BBS9: variants seen among roughly 807,000 people sequenced by gnomAD.
BBS9 encodes the protein protein PTHB1.
BBS9 carries 89 observed loss-of-function variants against 117.7 expected under a neutral mutation model. The ratio of observed to expected loss-of-function variants is 0.76; its 90% CI spans 0.64 to 0.90. The LOEUF (loss-of-function observed/expected upper bound fraction) is 0.90. Ranked by LOEUF, BBS9 falls within the 40% of genes least tolerant of loss-of-function variation. The pLI, the probability that BBS9 is intolerant of heterozygous loss-of-function variation, is 0.00. For missense variants in BBS9, 982 were observed against 1,042.2 expected (o/e 0.94, Z 0.80); for synonymous variants, 379 against 370.9 (o/e 1.02, Z -0.25).
chr7:33,311,182 G>A (rs1271362832), intron 9 of BBS9, among the ~76,000 whole-genome samples: 1 of 152,164 alleles, frequency 6.6e-6, no homozygotes, highest in Non-Finnish European at 1.5e-5. Context: ...CATGGAAGAT[G>A]ACCACTTCAG....
rs1267802462 is a variant in BBS9 at position 33,611,827 on chromosome 7, T to TTATTATATAATATTATTATATAATAA, written c.2522-23346_2522-23321dup. On this transcript the variant is annotated intron_variant, in intron 21 of 21. Transcript: ENST00000671952. The stretch of plus-strand genomic sequence containing the variant: ...TATACCTTAAACCTTATATATAATA[T>TTATTATATAATATTATTATATAATAA]TATTATATAATATTATTATATAATA... Among the ~76,000 whole-genome samples the TTATTATATAATATTATTATATAATAA allele has an allele frequency of 2.9e-5, 4 of 137,288 alleles. No homozygotes were observed. The Admixed American group carries it at 3.0e-4, about 10-fold the overall frequency. The allele number at this position is 137,288 out of a possible 152,430, so 90.1% of individuals were successfully genotyped here.
rs1419717933 is a variant in BBS9, at chr7:33,187,987, G to C, written c.442+10396G>C. The stretch of plus-strand genomic sequence containing the variant: ...CAATCTAGGAGTAATAAAGATGAAG[G>C]GTTAACTATAAAATAATGAGGCAAA... On this transcript the variant is annotated intron_variant, in intron 5 of 22. Coordinates refer to ENST00000242067, the MANE Select transcript of BBS9 (RefSeq NM_198428.3). Among the ~76,000 whole-genome samples, 5 of 151,374 alleles carry C rather than the reference G, an allele frequency of 3.3e-5. No homozygotes were observed. The East Asian group carries it at 9.7e-4, about 29-fold the overall frequency.
intron 17 of BBS9, among the ~76,000 whole-genome samples, chr7:33,373,268 C>T (rs956888605): frequency 1.3e-5 from 2 of 152,084 alleles, no homozygotes; most frequent in African/African-American, 4.8e-5. Context: ...ATCAAGATGG[C>T]ATTTAGCTTT....
intron 21 of BBS9, among the ~76,000 whole-genome samples, chr7:33,598,231 GAAAAA>G (rs11459733): frequency 7.1e-6 from 1 of 141,486 alleles, no homozygotes; most frequent in Non-Finnish European, 1.6e-5. Context: ...GAGTTTATGG[GAAAAA>G]AAAAAAAACC....
intron 5 of BBS9, among the ~76,000 whole-genome samples, chr7:33,225,181 ATAT>A (rs1397537007): frequency 6.6e-6 from 1 of 151,942 alleles, no homozygotes. Context: ...CAATTTATTG[ATAT>A]TATTGTTATT....
rs776909897 is a variant in BBS9 at position 33,357,874 on chromosome 7, A to G, written c.1572A>G (p.Gln524=). The change falls in exon 16 of 23, where the codon CAA becomes CAG. Residue 524 remains glutamine, a synonymous_variant. Coordinates refer to ENST00000242067, the MANE Select transcript of BBS9 (RefSeq NM_198428.3). The part of the protein sequence containing the change: ...RNPDGIPRVI[Q]CKFRLPLKLI... ...TTTTAGGCATTCCGCGAGTTATCCAATGTAAATTTAGACTTCCCCTAAAGT... is the reference window on the plus strand; with the variant it reads ...TTTTAGGCATTCCGCGAGTTATCCAGTGTAAATTTAGACTTCCCCTAAAGT... The G allele has an allele frequency of 3.1e-6, 5 of 1,611,858 alleles. No homozygotes were observed. The highest frequency in any genetic ancestry group is 1.6e-4 in the Middle Eastern group (1 of 6,074).
At chr7:33,625,219 AG>A (rs1443314515) in intron 21 of BBS9, among the ~76,000 whole-genome samples, 1 of 152,200 alleles carries the variant, frequency 6.6e-6, no homozygotes, top group African/African-American at 2.4e-5. Flanking sequence ...GAAATATGAC[AG>A]GAAGAATGAA....
intron 21 of BBS9, among the ~76,000 whole-genome samples, chr7:33,543,357 C>T (rs974648160): frequency 1.3e-5 from 2 of 151,382 alleles, no homozygotes; most frequent in African/African-American, 2.4e-5. Flanking sequence ...CTGGATATTA[C>T]TCCCTTGTCA....
At position 33,457,061 on chromosome 7, in the gene BBS9, G is replaced by A. The variant is rs74909415; in HGVS notation, c.2116-48402G>A. Among the ~76,000 whole-genome samples the A allele has an allele frequency of 0.018, 2,734 of 152,232 alleles. 205 individuals carry two copies. In the East Asian group the frequency reaches 0.26, roughly 15 times the overall value. ...CTTGGCCCCTAAGAGGGGGCCATAC[G>A]TGTACGTCAGACTATTTTAAAGCTA... On this transcript the variant is annotated intron_variant, in intron 19 of 22. Coordinates refer to ENST00000242067, the MANE Select transcript of BBS9 (RefSeq NM_198428.3).
At chr7:33,347,227 A>G (rs1179675112) in intron 12 of BBS9, among the ~76,000 whole-genome samples, 2 of 152,260 alleles carry the variant, frequency 1.3e-5, no homozygotes, top group Non-Finnish European at 2.9e-5. Context: ...TGGTTCCATG[A>G]ATATAGAAAA....
chr7:33,432,534 TATC>T, intron 19 of BBS9, among the ~76,000 whole-genome samples: 1 of 152,282 alleles, frequency 6.6e-6, no homozygotes, highest in East Asian at 1.9e-4. Context: ...AACTAGCTAA[TATC>T]ATCCAATTTA....
chr7:33,224,174 T>C (rs1185591833), intron 5 of BBS9, among the ~76,000 whole-genome samples: 2 of 152,216 alleles, frequency 1.3e-5, no homozygotes, highest in Non-Finnish European at 2.9e-5. Flanking sequence ...TGAATGACTA[T>C]GCTAAATTAT....
chr7:33,459,751 A>G (rs1839185225), intron 19 of BBS9, among the ~76,000 whole-genome samples: 1 of 152,158 alleles, frequency 6.6e-6, no homozygotes, highest in African/African-American at 2.4e-5. Context: ...AGAAACCAAG[A>G]TCTGGGCATT....
chr7:33,513,550 T>G (rs1847284128), intron 20 of BBS9, among the ~76,000 whole-genome samples: 1 of 152,194 alleles, frequency 6.6e-6, no homozygotes, highest in Admixed American at 6.5e-5. Flanking sequence ...TTTTTAATCA[T>G]TTTTTGAAAA....
At chr7:33,137,044 G>T (rs1306946414) in intron 1 of BBS9, among the ~76,000 whole-genome samples, 1 of 152,072 alleles carries the variant, frequency 6.6e-6, no homozygotes, top group Non-Finnish European at 1.5e-5. Context: ...TCAGCAGAGG[G>T]TCTCCTCTGT....
At chr7:33,436,417 T>C (rs1265949411) in intron 19 of BBS9, among the ~76,000 whole-genome samples, 1 of 152,204 alleles carries the variant, frequency 6.6e-6, no homozygotes, top group Non-Finnish European at 1.5e-5. Flanking sequence ...CAACTTTGAA[T>C]CATCTGTCTT....
At chr7:33,365,471 A>G (rs1007136708) in intron 16 of BBS9, among the ~76,000 whole-genome samples, 3 of 152,048 alleles carry the variant, frequency 2.0e-5, no homozygotes, top group Non-Finnish European at 4.4e-5. Context: ...TCAGTTGCCA[A>G]CTCTGTGAGT....
chr7:33,203,992 G>A (rs1255464815), intron 5 of BBS9, among the ~76,000 whole-genome samples: 1 of 151,118 alleles, frequency 6.6e-6, no homozygotes, highest in African/African-American at 2.4e-5. Flanking sequence ...CAAAGTGCTG[G>A]GATTACAGTC....
chr7:33,339,325 CCAAGCTGCAAAA>C (rs2128632461), intron 10 of BBS9, among the ~76,000 whole-genome samples: 1 of 152,228 alleles, frequency 6.6e-6, no homozygotes, highest in South Asian at 2.1e-4. Context: ...ACCAGCCACT[CCAAGCTGCAAAA>C]CTGGCTGGGG....
Sources: gnomAD v4.1 joint callset for allele counts (sites outside exome capture counted in the v4.1 genomes callset) on GRCh38, gnomAD v4.1.1 for gene constraint, MANE v1.5 for transcripts, NCBI Gene and HGNC (gene_info 2026-07-23, HGNC 2026-07-21) for gene names.